The following KDM4B variants were observed in gnomAD, a reference collection of about 807,000 sequenced individuals.
The protein encoded by KDM4B is lysine-specific demethylase 4B.
In KDM4B, 32 loss-of-function variants were observed where a neutral mutation model predicts 125.2. The observed-to-expected ratio is 0.26, with a 90% CI of 0.19 to 0.34. The LOEUF (loss-of-function observed/expected upper bound fraction) is 0.34, where lower values mean the gene tolerates loss of function less well. Among genes scored for constraint, KDM4B ranks in the 10% least tolerant of loss-of-function variants. The probability of loss-of-function intolerance (pLI) is 1.00; values close to 1 mark genes in which losing one functional copy is unlikely to be tolerated. For missense variants in KDM4B, 1,190 were observed against 1,577.7 expected, an observed-to-expected ratio of 0.75 and a Z score of 4.16; for synonymous variants, 721 against 677.9, an observed-to-expected ratio of 1.06 and a Z score of -0.99.
Position 5,131,525 on chromosome 19 carries a change from G to T in KDM4B, c.1765G>T (p.Ala589Ser). ...SSGAGRMETK[A>S]RAGEGQAPST... ...TGGGGCAGGTCGCATGGAGACCAAA[G>T]CCCGGGCCGGAGAGGGGCAGGTGGG... Residue 589 changes from alanine to serine, a missense_variant, in exon 12 of 23, where the codon GCC (alanine) becomes TCC (serine). By Grantham distance (99) the Ala-to-Ser change is moderately conservative. Transcript: ENST00000159111. 1 of 1,560,518 alleles carries T rather than the reference G, an allele frequency of 6.4e-7. No homozygotes were observed.
chr19:5,139,829 C>A (rs1006409439), intron 18 of KDM4B, among the ~76,000 whole-genome samples: 17 of 152,172 alleles, frequency 1.1e-4, no homozygotes, highest in Non-Finnish European at 4.4e-5. Flanking sequence ...ACATTGAGGC[C>A]CCCCGTAGAT....
intron 10 of KDM4B, chr19:5,119,314 C>A: frequency 1.1e-6 from 1 of 890,538 alleles, no homozygotes; most frequent in Non-Finnish European, 1.7e-6. Context: ...TGTCCCGTGG[C>A]ACACGCGGCT....
At chr19:5,110,853 G>A (rs2039129502) in intron 10 of KDM4B, 35 bp downstream of exon 10, 1 of 1,500,210 alleles carries the variant, frequency 6.7e-7, no homozygotes, top group South Asian at 1.2e-5. Flanking sequence ...TGACTGCCCA[G>A]CATCACGGGG....
Position 5,114,354 on chromosome 19 carries a change from C to G in KDM4B, c.1115+3536C>G, listed in dbSNP as rs891014003. 7.2e-6 allele frequency: 5 copies of G among 695,290 alleles called. No homozygotes were observed. In the African/African-American group the frequency reaches 9.2e-5, roughly 13 times the overall value. 43.1% of individuals were successfully genotyped at this position (695,290 alleles called of 1,614,324 possible). A position where few individuals can be genotyped will look rare whatever the true frequency, so the allele number is the denominator to read the frequency against. ...CCGAGCTCGGTGCTGCCTGTCCCCT[C>G]CTGCTCTGCCTTGGCCTGTCGCCCC... On this transcript the variant is annotated intron_variant, in intron 10 of 22. Coordinates refer to ENST00000159111, the MANE Select transcript of KDM4B (RefSeq NM_015015.3). This position sits in a 1 kb window ranked among gnomAD's most constrained non-coding sequence, Gnocchi z 5.8.
At chr19:5,011,723 G>T (rs1345049498) in intron 1 of KDM4B, among the ~76,000 whole-genome samples, 1 of 152,272 alleles carries the variant, frequency 6.6e-6, no homozygotes, top group Non-Finnish European at 1.5e-5. Flanking sequence ...GAGGTGGGCA[G>T]TGTGGTCTGG....
rs570568047 is a variant in KDM4B at position 5,111,793 on chromosome 19, C to T, written c.1115+975C>T. On this transcript the variant is annotated intron_variant, in intron 10 of 22. Coordinates refer to ENST00000159111, the MANE Select transcript of KDM4B (RefSeq NM_015015.3). ...TTTGCAGGCCAGGCCTCCTGTGTCT[C>T]GACGTCTCGACTCCGCATGGCAACT... 4.2e-5 allele frequency: 32 copies of T among 765,200 alleles called. 1 individual carries two copies. The highest frequency in any genetic ancestry group is 5.4e-5 in the South Asian group (4 of 74,628). The allele number at this position is 765,200 out of a possible 1,614,324, so 47.4% of individuals were successfully genotyped here.
At chr19:5,074,625 C>T (rs1380911109) in intron 7 of KDM4B, 1 of 152,240 alleles carries the variant, frequency 6.6e-6, no homozygotes, top group Non-Finnish European at 1.5e-5. Context: ...TCATCATTCT[C>T]GTTGAAATGC....
intron 1 of KDM4B, among the ~76,000 whole-genome samples, chr19:5,014,019 C>T (rs1048465139): frequency 5.3e-5 from 8 of 152,226 alleles, no homozygotes; most frequent in Admixed American, 2.0e-4. Flanking sequence ...CCTTCCTACC[C>T]GGGGCGGGGC....
intron 9 of KDM4B, among the ~76,000 whole-genome samples, chr19:5,093,550 T>C (rs1032265341): frequency 2.0e-5 from 3 of 152,322 alleles, no homozygotes; most frequent in Middle Eastern, 3.4e-3. Context: ...GCAGCGCTGA[T>C]AATTACATCA....
intron 1 of KDM4B, among the ~76,000 whole-genome samples, chr19:5,005,972 G>T (rs758686139): frequency 5.3e-5 from 8 of 152,158 alleles, no homozygotes; most frequent in Non-Finnish European, 1.2e-4. Flanking sequence ...CAGTGGTCTC[G>T]TGCTGCACTT....
intron 21 of KDM4B, among the ~76,000 whole-genome samples, chr19:5,148,924 T>A (rs2039897926): frequency 6.6e-6 from 1 of 152,180 alleles, no homozygotes; most frequent in Non-Finnish European, 1.5e-5. Context: ...AGCAGGCTCC[T>A]CCACACATCC....
intron 9 of KDM4B, among the ~76,000 whole-genome samples, chr19:5,097,278 A>G (rs1380246103): frequency 6.6e-6 from 1 of 152,216 alleles, no homozygotes; most frequent in Admixed American, 6.5e-5. Context: ...TTCTTGAGAC[A>G]GTCTCCAAAA....
intron 13 of KDM4B, among the ~76,000 whole-genome samples, chr19:5,132,616 G>T (rs1468140738): frequency 6.6e-6 from 1 of 152,152 alleles, no homozygotes; most frequent in Non-Finnish European, 1.5e-5. Context: ...TCGGCACGGG[G>T]ACAGAGGAAT....
chr19:5,041,508 AGCAGCCGGCCC>A (rs2036816187), intron 5 of KDM4B, among the ~76,000 whole-genome samples: 1 of 152,198 alleles, frequency 6.6e-6, no homozygotes, highest in Non-Finnish European at 1.5e-5. Flanking sequence ...CTCTGGCCTC[AGCAGCCGGCCC>A]ACAGCGTGTT....
intron 6 of KDM4B, among the ~76,000 whole-genome samples, chr19:5,061,426 T>C (rs2037593835): frequency 1.3e-5 from 2 of 152,358 alleles, no homozygotes; most frequent in Admixed American, 6.5e-5. Context: ...TAAGGCTGTT[T>C]CCTGGGAACA....
At chr19:5,121,038 C>T (rs1426919156) in intron 11 of KDM4B, among the ~76,000 whole-genome samples, 1 of 152,218 alleles carries the variant, frequency 6.6e-6, no homozygotes, top group Non-Finnish European at 1.5e-5. Flanking sequence ...AGCTGTGGTG[C>T]CATTCAGCAG....
intron 9 of KDM4B, among the ~76,000 whole-genome samples, chr19:5,093,499 C>T (rs2038753682): frequency 6.6e-6 from 1 of 152,212 alleles, no homozygotes; most frequent in Non-Finnish European, 1.5e-5. Context: ...CGAGCACTTC[C>T]AGTAGGTTTC....
chr19:5,037,845 G>A (rs149100936), intron 3 of KDM4B, among the ~76,000 whole-genome samples: 12 of 152,346 alleles, frequency 7.9e-5, no homozygotes, highest in East Asian at 3.9e-4. Context: ...TGCTCGCTGC[G>A]GCTGCTGCTG....
chr19:5,135,613 G>T (rs2039636009), intron 15 of KDM4B, 52 bp downstream of exon 15: 1 of 1,464,352 alleles, frequency 6.8e-7, no homozygotes, highest in South Asian at 1.2e-5. Context: ...CAGGGTGTTG[G>T]TGGGGGTGCC....
Sources: gnomAD v4.1 joint callset for allele counts (sites outside exome capture counted in the v4.1 genomes callset) on GRCh38, gnomAD v4.1.1 for gene constraint, Gnocchi (gnomAD v3.1) non-coding constraint, MANE v1.5 for transcripts, NCBI Gene and HGNC (gene_info 2026-07-23, HGNC 2026-07-21) for gene names.